The following ROBO2 variants were observed in gnomAD, a reference collection of about 807,000 sequenced individuals.
ROBO2 encodes roundabout guidance receptor 2, also known as roundabout homolog 2.
In ROBO2, 53 loss-of-function variants were observed where a neutral mutation model predicts 160.8. That is an observed-to-expected ratio of 0.33 (90% CI 0.26 to 0.41). The LOEUF is 0.41. ROBO2 is among the 10% of genes least tolerant of loss of function. The pLI is 1.00. For missense variants in ROBO2, 1,577 were observed against 1,722.4 expected, an observed-to-expected ratio of 0.92 and a Z score of 1.49; for synonymous variants, 664 against 611.7, an observed-to-expected ratio of 1.09 and a Z score of -1.26.
At chr3:76,624,323 G>T (rs935131406) in intron 2 of ROBO2, among the ~76,000 whole-genome samples, 1 of 152,020 alleles carries the variant, frequency 6.6e-6, no homozygotes, top group Non-Finnish European at 1.5e-5. Flanking sequence ...AGTCCCTTCC[G>T]GGTCAAAGTT....
intron 1 of ROBO2, among the ~76,000 whole-genome samples, chr3:77,050,894 T>G (rs1259919168): frequency 3.3e-5 from 5 of 151,596 alleles, no homozygotes; most frequent in Admixed American, 3.3e-4. Context: ...GGTGCTCACC[T>G]GTAGTCCCAG....
At chr3:76,657,896 A>ATG (rs887930193) in intron 2 of ROBO2, among the ~76,000 whole-genome samples, 1 of 148,020 alleles carries the variant, frequency 6.8e-6, no homozygotes, top group Admixed American at 6.8e-5. Flanking sequence ...ATATATATAT[A>ATG]TGTGTGTGTA....
chr3:75,928,038 G>T (rs1229536166), intron 1 of ROBO2, among the ~76,000 whole-genome samples: 1 of 148,706 alleles, frequency 6.7e-6, no homozygotes, highest in East Asian at 2.0e-4. Context: ...AGGCTGGAGT[G>T]CAGGGGCGCG....
intron 2 of ROBO2, among the ~76,000 whole-genome samples, chr3:76,922,833 C>G (rs2076752422): frequency 6.6e-6 from 1 of 152,244 alleles, no homozygotes; most frequent in Admixed American, 6.5e-5. Context: ...GCTTTTGGTA[C>G]CCTTAGAAGC....
chr3:77,368,894 C>G (rs1349939968), intron 2 of ROBO2, among the ~76,000 whole-genome samples: 1 of 152,074 alleles, frequency 6.6e-6, no homozygotes, highest in Non-Finnish European at 1.5e-5. Context: ...CATAGTATAA[C>G]CTTTAGTCAG....
At chr3:75,980,225 A>G (rs945977063) in intron 2 of ROBO2, among the ~76,000 whole-genome samples, 7 of 151,556 alleles carry the variant, frequency 4.6e-5, no homozygotes. Context: ...TAGAATGTAT[A>G]AACTTTAGAG....
chr3:76,755,753 T>G (rs2108299152), intron 2 of ROBO2, among the ~76,000 whole-genome samples: 1 of 152,022 alleles, frequency 6.6e-6, no homozygotes, highest in African/African-American at 2.4e-5. Context: ...CTTTGATTTT[T>G]GTTTTGTCCA....
At chr3:76,766,086 A>G (rs544855084) in intron 2 of ROBO2, among the ~76,000 whole-genome samples, 2 of 151,760 alleles carry the variant, frequency 1.3e-5, no homozygotes, top group South Asian at 4.1e-4. Context: ...AAATTCACAA[A>G]TCGAATAACT....
chr3:76,657,626 ATATATATTCATATATATGTG>A (rs1229821879), intron 2 of ROBO2, among the ~76,000 whole-genome samples: 9 of 144,070 alleles, frequency 6.2e-5, no homozygotes, highest in African/African-American at 2.1e-4. Context: ...ATATATGTGT[ATATATATTCATATATATGTG>A]TATATATATT....
At chr3:76,961,386 C>T (rs1169728856) in intron 2 of ROBO2, among the ~76,000 whole-genome samples, 1 of 150,184 alleles carries the variant, frequency 6.7e-6, no homozygotes, top group African/African-American at 2.5e-5. Flanking sequence ...AGAGGGTTCA[C>T]AGAACTTTTT....
intron 2 of ROBO2, among the ~76,000 whole-genome samples, chr3:76,200,146 C>T (rs1702455154): frequency 6.6e-6 from 1 of 152,094 alleles, no homozygotes; most frequent in Non-Finnish European, 1.5e-5. Context: ...CACACATACA[C>T]ATGGGAGCAT....
At position 77,473,440 on chromosome 3, in the gene ROBO2, C is replaced by CTTTTTTTTTTTTTTT. The variant is rs71104688; in HGVS notation, c.389-3951_389-3937dup. On this transcript the variant is annotated intron_variant, in intron 2 of 25. Coordinates refer to ENST00000461745, the Ensembl canonical transcript of ROBO2. ...CTGCAGTTCGATTTTACAAACTGCT[C>CTTTTTTTTTTTTTTT]TTTTTTTTTTTTTTTTTTTTTTTTT... Among the ~76,000 whole-genome samples the CTTTTTTTTTTTTTTT allele has an allele frequency of 6.4e-5, 5 of 77,922 alleles. 1 individual carries two copies. Among genetic ancestry groups the CTTTTTTTTTTTTTTT allele is most frequent in the African/African-American group, 2.3e-4 (5 of 21,470 alleles). 51.1% of individuals were successfully genotyped at this position (77,922 alleles called of 152,430 possible).
intron 2 of ROBO2, among the ~76,000 whole-genome samples, chr3:76,169,070 A>G (rs149955075): frequency 3.4e-4 from 52 of 152,136 alleles, no homozygotes; most frequent in Non-Finnish European, 1.5e-4. Flanking sequence ...AGAAGGTAGC[A>G]TGTGATCGAC....
At chr3:76,305,513 C>T (rs1188448627) in intron 2 of ROBO2, among the ~76,000 whole-genome samples, 1 of 147,528 alleles carries the variant, frequency 6.8e-6, no homozygotes, top group East Asian at 2.1e-4. Flanking sequence ...GTAATCCCAG[C>T]ACATTGGGTG....
At chr3:76,843,224 A>G (rs570590978) in intron 2 of ROBO2, among the ~76,000 whole-genome samples, 69 of 149,924 alleles carry the variant, frequency 4.6e-4, no homozygotes, top group Admixed American at 4.6e-3. Context: ...ATATTATAAC[A>G]AATATATTTA....
intron 21 of ROBO2, among the ~76,000 whole-genome samples, chr3:77,612,635 C>T (rs2094671703): frequency 6.6e-6 from 1 of 152,076 alleles, no homozygotes; most frequent in African/African-American, 2.4e-5. Flanking sequence ...CACACACACA[C>T]AAAATGACAC....
chr3:77,350,129 C>T (rs2068154978), intron 2 of ROBO2, among the ~76,000 whole-genome samples: 1 of 151,150 alleles, frequency 6.6e-6, no homozygotes, highest in Non-Finnish European at 1.5e-5. Context: ...TATACATATG[C>T]CGTGTGCAGT....
At chr3:77,326,248 G>A (rs2065377361) in intron 2 of ROBO2, among the ~76,000 whole-genome samples, 1 of 152,180 alleles carries the variant, frequency 6.6e-6, no homozygotes, top group Non-Finnish European at 1.5e-5. Flanking sequence ...CTTTGAAAAT[G>A]TGAGGAGTAG....
intron 2 of ROBO2, among the ~76,000 whole-genome samples, chr3:77,383,419 A>C (rs1042403769): frequency 9.2e-5 from 14 of 152,024 alleles, no homozygotes; most frequent in Non-Finnish European, 1.6e-4. Flanking sequence ...CTATTAATTA[A>C]AATATTTATT....
Sources: gnomAD v4.1 joint callset for allele counts (sites outside exome capture counted in the v4.1 genomes callset) on GRCh38, gnomAD v4.1.1 for gene constraint, MANE v1.5 for transcripts, NCBI Gene and HGNC (gene_info 2026-07-23, HGNC 2026-07-21) for gene names.